Variants in AFG2A observed in about 807,000 individuals in gnomAD.
AFG2A encodes the protein AAA ATPase AFG2A.
chr4:123,131,323 C>T, the AFG2A span, among the ~76,000 whole-genome samples: 5 of 151,852 alleles, frequency 3.3e-5, no homozygotes, highest in African/African-American at 9.7e-5. Context: ...TTTTTTATTG[C>T]GGTAAAAAAG....
chr4:123,213,042 T>G, the AFG2A span, among the ~76,000 whole-genome samples: 1 of 152,152 alleles, frequency 6.6e-6, no homozygotes, highest in Non-Finnish European at 1.5e-5. Flanking sequence ...AAAAGAGTTT[T>G]TACTTGGACC....
At chr4:123,185,458 A>G in the AFG2A span, among the ~76,000 whole-genome samples, 3,260 of 152,220 alleles carry the variant, frequency 0.021, 111 homozygotes, top group African/African-American at 0.074. Flanking sequence ...ATGAATGTCT[A>G]CATTTTAAAT....
the AFG2A span, among the ~76,000 whole-genome samples, chr4:123,041,194 T>G: frequency 1.3e-5 from 2 of 151,370 alleles, no homozygotes; most frequent in East Asian, 3.9e-4. Context: ...CACTGCAAGC[T>G]CCACCTCCCG....
chr4:123,208,687 A>G, the AFG2A span, among the ~76,000 whole-genome samples: 3 of 152,222 alleles, frequency 2.0e-5, no homozygotes, highest in Non-Finnish European at 4.4e-5. Flanking sequence ...TTAGTGTAAC[A>G]TATTTAGACA....
the AFG2A span, among the ~76,000 whole-genome samples, chr4:123,089,499 A>G: frequency 6.6e-6 from 1 of 152,172 alleles, no homozygotes; most frequent in East Asian, 1.9e-4. Context: ...AGGAAATCCA[A>G]GCTATTGCTA....
At chr4:123,089,932 G>A in the AFG2A span, among the ~76,000 whole-genome samples, 1 of 152,008 alleles carries the variant, frequency 6.6e-6, no homozygotes, top group Non-Finnish European at 1.5e-5. Context: ...TGTGGTCAAA[G>A]GACATGAAGT....
At chr4:123,076,658 A>G in the AFG2A span, among the ~76,000 whole-genome samples, 1 of 151,738 alleles carries the variant, frequency 6.6e-6, no homozygotes, top group African/African-American at 2.4e-5. Flanking sequence ...CAGTCAGTAT[A>G]TATTCAGTGA....
the AFG2A span, among the ~76,000 whole-genome samples, chr4:123,021,539 C>A: frequency 6.6e-6 from 1 of 152,146 alleles, no homozygotes; most frequent in Non-Finnish European, 1.5e-5. Context: ...CTATAAGAAT[C>A]ACTTGATTGA....
At chr4:123,111,181 A>G in the AFG2A span, among the ~76,000 whole-genome samples, 3 of 151,698 alleles carry the variant, frequency 2.0e-5, no homozygotes, top group African/African-American at 7.3e-5. Context: ...TTTTCATTTT[A>G]CCTTTCACAT....
chr4:123,237,945 T>C, the AFG2A span, among the ~76,000 whole-genome samples: 4 of 152,140 alleles, frequency 2.6e-5, no homozygotes, highest in Admixed American at 2.6e-4. Context: ...TGACAGACAG[T>C]ACCTGGAATA....
At chr4:123,313,951 A>G in the AFG2A span, 5 of 1,613,004 alleles carry the variant, frequency 3.1e-6, no homozygotes, top group African/African-American at 6.7e-5. Flanking sequence ...AGCCAATCTC[A>G]TCATGAAAAG....
chr4:123,290,261 TG>T, the AFG2A span, among the ~76,000 whole-genome samples: 14 of 152,348 alleles, frequency 9.2e-5, no homozygotes, highest in South Asian at 2.7e-3. Flanking sequence ...GTTTTAGTCA[TG>T]AATTCTTTGC....
chr4:122,959,284 G>C, the AFG2A span, among the ~76,000 whole-genome samples: 3 of 152,262 alleles, frequency 2.0e-5, no homozygotes, highest in African/African-American at 7.2e-5. Context: ...ATAGTAATGT[G>C]CTCTTCCAAA....
chr4:123,085,016 A>C, the AFG2A span, among the ~76,000 whole-genome samples: 1 of 149,794 alleles, frequency 6.7e-6, no homozygotes, highest in Admixed American at 6.6e-5. Context: ...AGTATTTTGG[A>C]ATTTTTTTTT....
the AFG2A span, among the ~76,000 whole-genome samples, chr4:123,299,117 A>ATTGTG: frequency 6.8e-6 from 1 of 147,120 alleles, no homozygotes; most frequent in Non-Finnish European, 1.5e-5. Context: ...GCATCTGCCA[A>ATTGTG]TGTGTGTGTG....
At chr4:123,270,070 C>T in the AFG2A span, among the ~76,000 whole-genome samples, 1 of 152,200 alleles carries the variant, frequency 6.6e-6, no homozygotes, top group Non-Finnish European at 1.5e-5. Context: ...CCGCCTCGGC[C>T]TCCCAAAGTT....
chr4:123,097,002 T>G, the AFG2A span, among the ~76,000 whole-genome samples: 138,080 of 152,062 alleles, frequency 0.91, 62,930 homozygotes, highest in East Asian at 0.98. Flanking sequence ...GTCTGGCTGT[T>G]TTGCCAGGCT....
chr4:123,019,755 A>G, the AFG2A span, among the ~76,000 whole-genome samples: 1 of 152,098 alleles, frequency 6.6e-6, no homozygotes, highest in African/African-American at 2.4e-5. Context: ...CTCTTTCTAG[A>G]TTTCAGATTT....
At chr4:123,082,213 G>A in the AFG2A span, among the ~76,000 whole-genome samples, 4 of 152,000 alleles carry the variant, frequency 2.6e-5, no homozygotes, top group Non-Finnish European at 5.9e-5. Context: ...CATACCCAAG[G>A]TCATCTTGGT....
Sources: gnomAD v4.1 joint callset for allele counts (sites outside exome capture counted in the v4.1 genomes callset) on GRCh38, gnomAD v4.1.1 for gene constraint, MANE v1.5 for transcripts, NCBI Gene and HGNC (gene_info 2026-07-23, HGNC 2026-07-21) for gene names.